MCUR1: variants seen among roughly 807,000 people sequenced by gnomAD.
The protein encoded by MCUR1 is MCU regulator 1.
MCUR1 carries 37 observed loss-of-function variants against 42.0 expected under a neutral mutation model. The ratio of observed to expected loss-of-function variants is 0.88; its 90% CI spans 0.68 to 1.16. The LOEUF (loss-of-function observed/expected upper bound fraction) is 1.16. Ranked by LOEUF, MCUR1 falls within the 50% of genes most tolerant of loss-of-function variation. The probability of loss-of-function intolerance (pLI) is 0.00; values close to 1 mark genes in which losing one functional copy is unlikely to be tolerated. For synonymous variants in MCUR1, 229 were observed against 196.2 expected (o/e 1.17, Z -1.40); for missense variants, 469 against 468.4 (o/e 1.00, Z -0.01).
intron 6 of MCUR1, among the ~76,000 whole-genome samples, chr6:13,794,262 A>C (rs1759805029): frequency 6.6e-6 from 1 of 151,860 alleles, no homozygotes; most frequent in African/African-American, 2.4e-5. Flanking sequence ...AAAGTTTCTT[A>C]TTTATACTTA....
Position 13,801,394 on chromosome 6 carries a change from GA to G in MCUR1, c.640-6del. 6.3e-7 allele frequency: 1 copy of G among 1,597,474 alleles called. No homozygotes were observed. The highest frequency in any genetic ancestry group is 2.2e-5 in the East Asian group (1 of 44,702). On this transcript the variant is annotated splice_region_variant and splice_polypyrimidine_tract_variant and intron_variant, in intron 3 of 8. Transcript: ENST00000379170. ...TACTTGCTGAAAAGTGATTTCCTAG[GA>G]AAAGAAAAACAAAACACATAATCTA... is the stretch of plus-strand genomic sequence containing the variant.
intron 1 of MCUR1, among the ~76,000 whole-genome samples, chr6:13,810,824 A>G (rs946348095): frequency 2.0e-5 from 3 of 152,198 alleles, no homozygotes; most frequent in Non-Finnish European, 2.9e-5. Context: ...GCAATGACTT[A>G]TGTGTGTTTG....
chr6:13,801,591 T>C (rs772848766), intron 3 of MCUR1, among the ~76,000 whole-genome samples: 1 of 152,160 alleles, frequency 6.6e-6, no homozygotes, highest in African/African-American at 2.4e-5. Flanking sequence ...GGCTCACACC[T>C]GTAATCCCAA....
At chr6:13,798,925 A>G in intron 5 of MCUR1, 21 bp from the exon 6 acceptor site, 1 of 1,416,690 alleles carries the variant, frequency 7.1e-7, no homozygotes, top group South Asian at 1.2e-5. Context: ...GGCAAACAAC[A>G]AAGAAGGAAA....
Position 13,793,903 on chromosome 6 carries a change from T to C in MCUR1, c.900A>G (p.Ile300Met), listed in dbSNP as rs1351566015. 1.2e-6 allele frequency: 2 copies of C among 1,613,508 alleles called. No homozygotes were observed. The highest frequency in any genetic ancestry group is 1.3e-5 in the African/African-American group (1 of 74,932). The change falls in exon 7 of 9, where the codon ATA becomes ATG. Residue 300 changes from isoleucine (I) to methionine (M), a missense_variant. Physicochemically the swap from Ile to Met is conservative, Grantham distance 10. Transcript: ENST00000379170. Reference protein sequence around the residue: ...EKKLLELRTEIVALHAQQDRA... With the variant: ...EKKLLELRTEMVALHAQQDRA... ...CAGTCTTGTTTCTTACCAATGCCAC[T>C]ATTTCTGTTCTCAATTCCAGCAGCT... is the stretch of plus-strand genomic sequence containing the variant.
At position 13,789,185 on chromosome 6, in the gene MCUR1, G is replaced by A. The variant is rs1166651582; in HGVS notation, c.*1624C>T. 3 of 152,226 alleles carry A rather than the reference G, an allele frequency of 2.0e-5. No homozygotes were observed. The highest frequency in any genetic ancestry group is 7.2e-5 in the African/African-American group (3 of 41,442). The allele number at this position is 152,226 out of a possible 1,614,324, so 9.4% of individuals were successfully genotyped here. A position where few individuals can be genotyped will look rare whatever the true frequency, so the allele number is the denominator to read the frequency against. ...TGGGAGACCAAGGCGGGTGAATCACGAGGTCAGGAGTTAGAGACCAGCCTG... is the reference window on the plus strand; with the variant it reads ...TGGGAGACCAAGGCGGGTGAATCACAAGGTCAGGAGTTAGAGACCAGCCTG... On this transcript the variant is annotated 3_prime_UTR_variant, in exon 9 of 9. Transcript: ENST00000379170.
chr6:13,814,506 G>A lies in MCUR1; in HGVS notation c.-77C>T. On this transcript the variant is annotated 5_prime_UTR_variant, in exon 1 of 9. Transcript: ENST00000379170. The stretch of plus-strand genomic sequence containing the variant: ...GCCGGCCACGCGCGGTCCAGGCCCA[G>A]AGTCCGACAGCGGGAGCGAGCGTGG... 1 of 1,337,634 alleles carries A rather than the reference G, an allele frequency of 7.5e-7. No homozygotes were observed. The highest frequency in any genetic ancestry group is 9.6e-7 in the Non-Finnish European group (1 of 1,046,298). The allele number at this position is 1,337,634 out of a possible 1,614,324, so 82.9% of individuals were successfully genotyped here.
chr6:13,794,553 G>A (rs868697849), intron 6 of MCUR1, among the ~76,000 whole-genome samples: 5 of 151,650 alleles, frequency 3.3e-5, no homozygotes. Context: ...AGCTGCCAAG[G>A]ATTATTATTC....
chr6:13,797,518 C>A (rs1267438044), intron 6 of MCUR1, among the ~76,000 whole-genome samples: 3 of 150,962 alleles, frequency 2.0e-5, no homozygotes, highest in Non-Finnish European at 4.4e-5. Context: ...ACCATCCTGG[C>A]TAACACGGTG....
At chr6:13,802,175 A>T in intron 3 of MCUR1, 68 bp downstream of exon 3, 1 of 1,281,752 alleles carries the variant, frequency 7.8e-7, no homozygotes, top group Non-Finnish European at 1.1e-6. Context: ...AAATTATATT[A>T]AAACATTACT....
rs1251008260 is a variant in MCUR1, at chr6:13,787,681, C to T, written c.*3128G>A. ...TCTGCTTCAGGTATTGGACATCGTT[C>T]CCTCCACCTGCACCTAGAGGATATG... On this transcript the variant is annotated 3_prime_UTR_variant, in exon 9 of 9. Coordinates refer to ENST00000379170, the MANE Select transcript of MCUR1 (RefSeq NM_001031713.4). 1 of 152,144 alleles carries T rather than the reference C, an allele frequency of 6.6e-6. No homozygotes were observed. Among genetic ancestry groups the T allele is most frequent in the Middle Eastern group, 3.2e-3 (1 of 316 alleles). 9.4% of individuals were successfully genotyped at this position (152,144 alleles called of 1,614,324 possible). A position where few individuals can be genotyped will look rare whatever the true frequency, so the allele number is the denominator to read the frequency against.
Position 13,814,457 on chromosome 6 carries a change from G to A in MCUR1, c.-28C>T, listed in dbSNP as rs1482215598. Reference sequence around the variant, plus strand: ...CCGAGCAGTTCACTGGCCCGGGCGCGCGCTCATGCCTCTCGCTTTTGGCGC... The same window carrying A: ...CCGAGCAGTTCACTGGCCCGGGCGCACGCTCATGCCTCTCGCTTTTGGCGC... On this transcript the variant is annotated 5_prime_UTR_variant, in exon 1 of 9. Transcript: ENST00000379170. 1 of 1,475,262 alleles carries A rather than the reference G, an allele frequency of 6.8e-7. No homozygotes were observed. The highest frequency in any genetic ancestry group is 1.3e-5 in the South Asian group (1 of 76,388). 91.4% of individuals were successfully genotyped at this position (1,475,262 alleles called of 1,614,324 possible).
chr6:13,814,271 G>A lies in MCUR1; in HGVS notation c.159C>T (p.Arg53=). The stretch of plus-strand genomic sequence containing the variant: ...CGCCGCGGGCCGCCGGGGCGCGAGG[G>A]CGCAGCGCCCCCAGACCGTCGGAGA... ...SALSDGLGAL[R]PRAPAARGGV... Residue 53 remains arginine, a synonymous_variant, in exon 1 of 9, where the codon CGC becomes CGT. Coordinates refer to ENST00000379170, the MANE Select transcript of MCUR1 (RefSeq NM_001031713.4). The A allele has an allele frequency of 6.8e-7, 1 of 1,478,768 alleles. No individual in the cohort carries two copies. The highest frequency in any genetic ancestry group is 8.9e-7 in the Non-Finnish European group (1 of 1,122,252). 91.6% of individuals were successfully genotyped at this position (1,478,768 alleles called of 1,614,324 possible).
At chr6:13,794,679 T>C (rs2113456541) in intron 6 of MCUR1, among the ~76,000 whole-genome samples, 1 of 147,822 alleles carries the variant, frequency 6.8e-6, no homozygotes, top group South Asian at 2.1e-4. Flanking sequence ...TGAGATGGAG[T>C]CTCACTCTAT....
At chr6:13,802,472 A>G in intron 2 of MCUR1, 126 bp from the exon 3 acceptor site, 1 of 657,550 alleles carries the variant, frequency 1.5e-6, no homozygotes, top group East Asian at 2.9e-5. Flanking sequence ...GGAGGCAGGG[A>G]GGAGGGTACA....
chr6:13,807,151 A>G, intron 1 of MCUR1, 107 bp from the exon 2 acceptor site: 1 of 1,242,462 alleles, frequency 8.0e-7, no homozygotes, highest in Non-Finnish European at 1.1e-6. Flanking sequence ...GGTACTTTAT[A>G]ACAGCTTCGT....
chr6:13,801,946 C>A (rs1362114428), intron 3 of MCUR1, among the ~76,000 whole-genome samples: 1 of 152,162 alleles, frequency 6.6e-6, no homozygotes, highest in African/African-American at 2.4e-5. Context: ...GATGTGAAGA[C>A]TCGAGAACAT....
chr6:13,814,086 C>G lies in MCUR1; in HGVS notation c.344G>C (p.Gly115Ala), dbSNP rs1409462042. The G allele has an allele frequency of 4.8e-6, 6 of 1,239,288 alleles. No individual in the cohort carries two copies. In the East Asian group the frequency reaches 1.9e-4, roughly 39 times the overall value. The allele number at this position is 1,239,288 out of a possible 1,614,324, so 76.8% of individuals were successfully genotyped here. A position where few individuals can be genotyped will look rare whatever the true frequency, so the allele number is the denominator to read the frequency against. The change falls in exon 1 of 9, where the codon GGC becomes GCC. Residue 115 changes from glycine to alanine, a missense_variant. Physicochemically the swap from Gly to Ala is moderately conservative, Grantham distance 60. Coordinates refer to ENST00000379170, the MANE Select transcript of MCUR1 (RefSeq NM_001031713.4). The part of the protein sequence containing the change: ...GRSSAWRCSP[G>A]VAAAAGALPQ... Reference sequence around the variant, plus strand: ...AAGGGCGCCGGCGGCAGCGGCGACGCCCGGTGAGCACCTCCACGCGCTGCT... The same window carrying G: ...AAGGGCGCCGGCGGCAGCGGCGACGGCCGGTGAGCACCTCCACGCGCTGCT...
At chr6:13,793,776 A>C in intron 7 of MCUR1, 118 bp downstream of exon 7, 1 of 851,604 alleles carries the variant, frequency 1.2e-6, no homozygotes, top group South Asian at 1.5e-5. Flanking sequence ...CACAATGTAA[A>C]AAATTCCCAT....
Sources: allele counts gnomAD v4.1 joint callset (sites outside exome capture counted in the v4.1 genomes callset), GRCh38; gene constraint gnomAD v4.1.1; transcripts MANE v1.5; gene names NCBI Gene and HGNC (gene_info 2026-07-23, HGNC 2026-07-21).